Variants in SHISA9 observed in about 807,000 individuals in gnomAD.
SHISA9 encodes protein shisa-9.
In SHISA9, 13 loss-of-function variants were observed where a neutral mutation model predicts 38.0. That is an observed-to-expected ratio of 0.34 (90% CI 0.22 to 0.54). The LOEUF is 0.54. Among genes scored for constraint, SHISA9 ranks in the 20% least tolerant of loss-of-function variants. The probability of loss-of-function intolerance (pLI) is 0.91; values close to 1 mark genes in which losing one functional copy is unlikely to be tolerated. For missense variants in SHISA9, 538 were observed against 575.8 expected (o/e 0.93, Z 0.67); for synonymous variants, 275 against 242.0 (o/e 1.14, Z -1.27).
chr16:13,289,555 A>G, the SHISA9 span, among the ~76,000 whole-genome samples: 1 of 152,048 alleles, frequency 6.6e-6, no homozygotes, highest in African/African-American at 2.4e-5. Context: ...AAAAAACCCC[A>G]AGAGGATCAG....
chr16:12,978,991 G>C (rs768103696), intron 2 of SHISA9, among the ~76,000 whole-genome samples: 4 of 152,182 alleles, frequency 2.6e-5, no homozygotes, highest in Non-Finnish European at 5.9e-5. Flanking sequence ...AATGGCTCAT[G>C]ATCTGTTTTT....
intron 2 of SHISA9, among the ~76,000 whole-genome samples, chr16:13,196,066 G>C (rs1299644317): frequency 4.5e-3 from 454 of 100,120 alleles, no homozygotes; most frequent in Middle Eastern, 0.038. Flanking sequence ...CCAGCCTGGG[G>C]GACAGAGCAA....
At position 12,989,856 on chromosome 16, in the gene SHISA9, A is replaced by C. The variant is rs1331252487; in HGVS notation, c.691+73041A>C. Among the ~76,000 whole-genome samples the C allele has an allele frequency of 2.6e-5, 4 of 151,960 alleles. No homozygotes were observed. In the East Asian group the frequency reaches 7.7e-4, roughly 29 times the overall value. Reference sequence around the variant, plus strand: ...ACATGGATAAACGTGTGCCATGGTGATTTGCTGCACAGATCATCCCGTCGC... The same window carrying C: ...ACATGGATAAACGTGTGCCATGGTGCTTTGCTGCACAGATCATCCCGTCGC... On this transcript the variant is annotated intron_variant, in intron 2 of 4. Transcript: ENST00000558583.
At chr16:13,263,739 C>T in the SHISA9 span, among the ~76,000 whole-genome samples, 2 of 152,146 alleles carry the variant, frequency 1.3e-5, no homozygotes, top group African/African-American at 4.8e-5. Flanking sequence ...GTGTGGGATT[C>T]TGCCAATACC....
chr16:13,034,820 A>C (rs1172713128), intron 2 of SHISA9, among the ~76,000 whole-genome samples: 14 of 152,182 alleles, frequency 9.2e-5, no homozygotes. Flanking sequence ...ATGAAGGAGG[A>C]GAGACATGTG....
the SHISA9 span, among the ~76,000 whole-genome samples, chr16:13,356,610 G>A: frequency 6.6e-6 from 1 of 152,120 alleles, no homozygotes; most frequent in Non-Finnish European, 1.5e-5. Flanking sequence ...AGCTCGGCCT[G>A]GTGAGGAGCA....
At chr16:12,979,699 T>G (rs1049893622) in intron 2 of SHISA9, among the ~76,000 whole-genome samples, 3 of 152,216 alleles carry the variant, frequency 2.0e-5, no homozygotes, top group Non-Finnish European at 4.4e-5. Flanking sequence ...TACTAAGATT[T>G]ATCTATAACG....
chr16:13,070,266 C>T (rs1268565305), intron 2 of SHISA9, among the ~76,000 whole-genome samples: 2 of 152,080 alleles, frequency 1.3e-5, no homozygotes, highest in African/African-American at 4.8e-5. Flanking sequence ...CTCTGTCCCC[C>T]GGACTCTGCC....
intron 2 of SHISA9, among the ~76,000 whole-genome samples, chr16:13,105,439 T>C (rs1190224593): frequency 1.3e-5 from 2 of 152,174 alleles, no homozygotes; most frequent in Non-Finnish European, 2.9e-5. Context: ...CTTCTGGTCT[T>C]CCCGGGCTCC....
intron 2 of SHISA9, among the ~76,000 whole-genome samples, chr16:13,193,680 A>C (rs2050909580): frequency 1.3e-5 from 2 of 152,124 alleles, no homozygotes; most frequent in African/African-American, 4.8e-5. Context: ...CTTTTGTCTG[A>C]GTTAGCCTGT....
the SHISA9 span, among the ~76,000 whole-genome samples, chr16:13,365,544 C>T: frequency 1.3e-5 from 2 of 151,064 alleles, no homozygotes; most frequent in South Asian, 2.1e-4. Flanking sequence ...GCAACCTCCG[C>T]CTCCCGGGTT....
the SHISA9 span, among the ~76,000 whole-genome samples, chr16:13,460,212 A>G: frequency 6.6e-6 from 1 of 152,084 alleles, no homozygotes; most frequent in Non-Finnish European, 1.5e-5. Context: ...CCTCTGGGAG[A>G]TGGGGGTCTA....
At chr16:13,535,841 C>A in the SHISA9 span, among the ~76,000 whole-genome samples, 12 of 152,132 alleles carry the variant, frequency 7.9e-5, no homozygotes, top group Admixed American at 5.2e-4. Context: ...CAATAAAATG[C>A]CCAGTCTGGT....
chr16:13,378,300 C>T, the SHISA9 span, among the ~76,000 whole-genome samples: 590 of 152,260 alleles, frequency 3.9e-3, 4 homozygotes, highest in Middle Eastern at 0.014. Flanking sequence ...GTTTCCCTTT[C>T]TTGGCTCTGT....
the SHISA9 span, among the ~76,000 whole-genome samples, chr16:13,471,885 G>A: frequency 6.6e-6 from 1 of 152,106 alleles, no homozygotes; most frequent in Non-Finnish European, 1.5e-5. Context: ...AAAACAAGGA[G>A]AGGACAAAGA....
the SHISA9 span, among the ~76,000 whole-genome samples, chr16:13,286,293 G>A: frequency 2.0e-5 from 3 of 152,178 alleles, no homozygotes; most frequent in Admixed American, 1.3e-4. Flanking sequence ...TCACAGGCAT[G>A]CATCCTTAAC....
chr16:13,288,789 TAAAACA>T, the SHISA9 span, among the ~76,000 whole-genome samples: 92 of 152,084 alleles, frequency 6.0e-4, no homozygotes, highest in African/African-American at 2.0e-3. Context: ...GACTCTGTCT[TAAAACA>T]AAAACAAAAA....
At chr16:12,942,269 T>C (rs982774334) in intron 2 of SHISA9, among the ~76,000 whole-genome samples, 7 of 152,276 alleles carry the variant, frequency 4.6e-5, no homozygotes, top group Admixed American at 4.6e-4. Flanking sequence ...CCTTCAGAAG[T>C]TGGTACAAAT....
intron 2 of SHISA9, among the ~76,000 whole-genome samples, chr16:12,945,337 C>T (rs556907841): frequency 1.3e-5 from 2 of 152,070 alleles, no homozygotes; most frequent in Non-Finnish European, 2.9e-5. Context: ...CTCTGAATGC[C>T]AATAGACATG....
Sources: gnomAD v4.1 joint callset for allele counts (sites outside exome capture counted in the v4.1 genomes callset) on GRCh38, gnomAD v4.1.1 for gene constraint, MANE v1.5 for transcripts, NCBI Gene and HGNC (gene_info 2026-07-23, HGNC 2026-07-21) for gene names.